TENM3: variants seen among roughly 807,000 people sequenced by gnomAD.
TENM3 encodes teneurin transmembrane protein 3.
TENM3 carries 63 observed loss-of-function variants against 255.1 expected under a neutral mutation model. The observed-to-expected ratio is 0.25, with a 90% CI of 0.20 to 0.30. The LOEUF is 0.30. Ranked by LOEUF, TENM3 falls within the 10% of genes least tolerant of loss-of-function variation. The pLI is 1.00. For missense variants in TENM3, 2,929 were observed against 3,461.1 expected (o/e 0.85, Z 3.86); for synonymous variants, 1,306 against 1,322.3 (o/e 0.99, Z 0.27).
chr4:182,242,459 C>T (rs553259789), upstream of TENM3, among the ~76,000 whole-genome samples: 1 of 152,122 alleles, frequency 6.6e-6, no homozygotes, highest in Non-Finnish European at 1.5e-5. Context: ...AGTCAATTTG[C>T]CTTCTTAAAA....
chr4:181,829,844 C>T, the TENM3 span: 1 of 152,326 alleles, frequency 6.6e-6, no homozygotes. Flanking sequence ...TGAGGAAGCT[C>T]AGTCCCCATG....
intron 20 of TENM3, among the ~76,000 whole-genome samples, chr4:182,753,222 G>A (rs1047740059): frequency 2.0e-5 from 3 of 152,102 alleles, no homozygotes; most frequent in Non-Finnish European, 4.4e-5. Context: ...TGCTAGGATT[G>A]CAGGCGTGAG....
intron 3 of TENM3, among the ~76,000 whole-genome samples, chr4:182,382,297 C>T (rs1767625323): frequency 6.6e-6 from 1 of 151,554 alleles, no homozygotes; most frequent in Non-Finnish European, 1.5e-5. Context: ...TGATTTTAAT[C>T]ACATTAAACT....
chr4:181,637,941 G>A, the TENM3 span, among the ~76,000 whole-genome samples: 2 of 152,120 alleles, frequency 1.3e-5, no homozygotes, highest in South Asian at 2.1e-4. Context: ...AGGAATGACA[G>A]GGTATATCCT....
chr4:182,752,056 G>C, intron 20 of TENM3, 24 bp downstream of exon 20: 1 of 1,305,360 alleles, frequency 7.7e-7, no homozygotes, highest in African/African-American at 1.6e-5. Flanking sequence ...GCGATTTGAG[G>C]ATTTCTTTTT....
intron 24 of TENM3, among the ~76,000 whole-genome samples, chr4:182,786,354 C>T (rs569005039): frequency 1.3e-5 from 2 of 152,156 alleles, no homozygotes; most frequent in Non-Finnish European, 1.5e-5. Flanking sequence ...GTCAGGAGTT[C>T]AAGACCAGCC....
intron 14 of TENM3, 115 bp from the exon 15 acceptor site, chr4:182,730,085 C>T (rs1760566767): frequency 5.5e-6 from 7 of 1,277,542 alleles, no homozygotes; most frequent in African/African-American, 1.5e-5. Context: ...TTGTGAATAA[C>T]GATGGATTGC....
At chr4:182,048,456 A>T in the TENM3 span, among the ~76,000 whole-genome samples, 2 of 152,134 alleles carry the variant, frequency 1.3e-5, no homozygotes, top group Non-Finnish European at 2.9e-5. Flanking sequence ...CTCTTTGTTG[A>T]TTTATAACAT....
the TENM3 span, among the ~76,000 whole-genome samples, chr4:181,734,234 G>A: frequency 6.6e-6 from 1 of 151,924 alleles, no homozygotes; most frequent in Non-Finnish European, 1.5e-5. Context: ...AATGCTTTGA[G>A]GTCTTAGGTA....
chr4:182,782,033 GT>G (rs1184774237), intron 24 of TENM3, among the ~76,000 whole-genome samples: 2 of 112,774 alleles, frequency 1.8e-5, no homozygotes, highest in African/African-American at 3.5e-5. Context: ...TTTTTGAAGG[GT>G]TTTTTGTGTC....
intron 1 of TENM3, among the ~76,000 whole-genome samples, chr4:182,274,910 GC>G (rs1444846152): frequency 1.1e-4 from 17 of 152,048 alleles, no homozygotes; most frequent in Admixed American, 1.1e-3. Context: ...TGCAACCTCT[GC>G]CTCCCGGGTT....
chr4:182,692,665 G>C (rs1466236142), intron 12 of TENM3, among the ~76,000 whole-genome samples: 1 of 152,200 alleles, frequency 6.6e-6, no homozygotes, highest in Non-Finnish European at 1.5e-5. Context: ...ATGTTTGTTA[G>C]ATATAATGAA....
intron 3 of TENM3, among the ~76,000 whole-genome samples, chr4:182,502,604 A>G (rs1736424781): frequency 6.6e-6 from 1 of 151,982 alleles, no homozygotes; most frequent in African/African-American, 2.4e-5. Context: ...TTAATTTTCA[A>G]GACCTCTTTT....
At chr4:182,731,249 T>A in intron 16 of TENM3, 110 bp downstream of exon 16, 1 of 1,137,852 alleles carries the variant, frequency 8.8e-7, no homozygotes, top group Non-Finnish European at 1.2e-6. Context: ...CTCACTCCTG[T>A]AATCCCAGCG....
chr4:181,687,966 A>G, the TENM3 span, among the ~76,000 whole-genome samples: 28 of 152,240 alleles, frequency 1.8e-4, no homozygotes, highest in Non-Finnish European at 2.9e-4. Context: ...ACTAGCAAAC[A>G]TTTACTGAGT....
At chr4:181,454,747 C>T in the TENM3 span, among the ~76,000 whole-genome samples, 1 of 116,420 alleles carries the variant, frequency 8.6e-6, no homozygotes, top group South Asian at 2.8e-4. Context: ...GTTACAATTG[C>T]CTACAGTTCA....
the TENM3 span, among the ~76,000 whole-genome samples, chr4:181,617,180 A>G: frequency 6.6e-6 from 1 of 152,236 alleles, no homozygotes; most frequent in Admixed American, 6.5e-5. Context: ...ATTTAGATTT[A>G]GAGAAATTTA....
the TENM3 span, among the ~76,000 whole-genome samples, chr4:181,641,564 A>G: frequency 1.1e-3 from 56 of 51,290 alleles, no homozygotes; most frequent in South Asian, 1.6e-3. Flanking sequence ...GTATATATAT[A>G]TATATATATA....
At chr4:182,085,047 T>G in the TENM3 span, 3 of 152,274 alleles carry the variant, frequency 2.0e-5, no homozygotes, top group African/African-American at 7.2e-5. Context: ...TTCCAAAATC[T>G]GTCATCTGAA....
Sources: allele counts gnomAD v4.1 joint callset (sites outside exome capture counted in the v4.1 genomes callset), GRCh38; gene constraint gnomAD v4.1.1; transcripts MANE v1.5; gene names NCBI Gene and HGNC (gene_info 2026-07-23, HGNC 2026-07-21).